SLC25A21: variants seen among roughly 807,000 people sequenced by gnomAD.
The protein encoded by SLC25A21 is mitochondrial 2-oxodicarboxylate carrier.
A neutral mutation model predicts 43.8 loss-of-function variants in SLC25A21; 47 were observed. That is an observed-to-expected ratio of 1.07 (90% CI 0.85 to 1.37). The LOEUF (loss-of-function observed/expected upper bound fraction) is 1.37, where lower values mean the gene tolerates loss of function less well. Among genes scored for constraint, SLC25A21 ranks in the 40% most tolerant of loss-of-function variants. SLC25A21 has a pLI of 0.00. For synonymous variants in SLC25A21, 131 were observed against 121.3 expected (o/e 1.08, Z -0.52); for missense variants, 352 against 350.2 (o/e 1.00, Z -0.04).
chr14:36,720,239 T>A (rs1884321685), intron 6 of SLC25A21, among the ~76,000 whole-genome samples: 1 of 152,252 alleles, frequency 6.6e-6, no homozygotes, highest in African/African-American at 2.4e-5. Context: ...GCTACTGTTG[T>A]CCTCGACTGT....
chr14:37,134,648 TAAA>T (rs11347791), intron 1 of SLC25A21, among the ~76,000 whole-genome samples: 23 of 122,688 alleles, frequency 1.9e-4, no homozygotes, highest in Non-Finnish European at 2.4e-4. Context: ...ACTCCATCTC[TAAA>T]AAAAAAAAAA....
chr14:36,712,379 C>T (rs950369476), intron 6 of SLC25A21, among the ~76,000 whole-genome samples: 1 of 151,290 alleles, frequency 6.6e-6, no homozygotes, highest in Non-Finnish European at 1.5e-5. Context: ...ATGAGGCACA[C>T]ACTGACATGA....
chr14:37,098,737 A>C (rs1962752094), intron 1 of SLC25A21, among the ~76,000 whole-genome samples: 1 of 6,944 alleles, frequency 1.4e-4, no homozygotes, highest in African/African-American at 1.7e-4. Context: ...AGATAGATAG[A>C]TAGATAGATA....
At chr14:36,877,006 A>G (rs778357240) in intron 1 of SLC25A21, among the ~76,000 whole-genome samples, 7 of 151,968 alleles carry the variant, frequency 4.6e-5, no homozygotes, top group African/African-American at 9.7e-5. Flanking sequence ...TATTAGTTAT[A>G]AGATAAAACC....
chr14:37,001,461 G>A (rs1253454778), intron 1 of SLC25A21, among the ~76,000 whole-genome samples: 2 of 152,146 alleles, frequency 1.3e-5, no homozygotes, highest in African/African-American at 4.8e-5. Flanking sequence ...GGCCAACTCT[G>A]GTTCTGAACC....
At chr14:37,040,371 GAGAGAAAGAAAGAAAGAAAGAA>G (rs1338085782) in intron 1 of SLC25A21, among the ~76,000 whole-genome samples, 3 of 40,122 alleles carry the variant, frequency 7.5e-5, no homozygotes. Context: ...GAGAGAGAGA[GAGAGAAAGAAAGAAAGAAAGAA>G]AGAAAGAAAG....
At chr14:36,987,985 G>C (rs1053887650) in intron 1 of SLC25A21, among the ~76,000 whole-genome samples, 3 of 152,092 alleles carry the variant, frequency 2.0e-5, no homozygotes, top group Non-Finnish European at 4.4e-5. Context: ...TTATGGAGTG[G>C]GGGTTGGAGG....
intron 1 of SLC25A21, among the ~76,000 whole-genome samples, chr14:37,171,043 G>A (rs1204131195): frequency 1.4e-5 from 2 of 147,222 alleles, no homozygotes; most frequent in South Asian, 2.2e-4. Flanking sequence ...CCGAGATCGC[G>A]CCATGGCAAT....
intron 2 of SLC25A21, among the ~76,000 whole-genome samples, chr14:36,868,839 G>A (rs1202501490): frequency 6.6e-6 from 1 of 152,192 alleles, no homozygotes; most frequent in African/African-American, 2.4e-5. Flanking sequence ...AGGAGCACTG[G>A]TGAGTGGGAT....
intron 2 of SLC25A21, among the ~76,000 whole-genome samples, chr14:36,861,484 T>G (rs753315723): frequency 1.1e-4 from 16 of 152,210 alleles, no homozygotes; most frequent in Non-Finnish European, 1.9e-4. Flanking sequence ...AGCCTCTTTC[T>G]CAACACTTTC....
At chr14:37,024,676 TG>T (rs1345721941) in intron 1 of SLC25A21, among the ~76,000 whole-genome samples, 1 of 152,010 alleles carries the variant, frequency 6.6e-6, no homozygotes, top group Non-Finnish European at 1.5e-5. Context: ...TTATTTATAG[TG>T]AACATATTTG....
chr14:36,722,420 T>C (rs1489202554), intron 6 of SLC25A21, among the ~76,000 whole-genome samples: 1 of 152,162 alleles, frequency 6.6e-6, no homozygotes, highest in Non-Finnish European at 1.5e-5. Context: ...AGCCCTAATG[T>C]AAACTATGGA....
intron 3 of SLC25A21, among the ~76,000 whole-genome samples, chr14:36,786,635 G>A (rs1887260445): frequency 6.6e-6 from 1 of 152,192 alleles, no homozygotes; most frequent in African/African-American, 2.4e-5. Flanking sequence ...TTTGAGTCCT[G>A]AAATCACTCT....
intron 1 of SLC25A21, among the ~76,000 whole-genome samples, chr14:36,963,999 C>T (rs1049252542): frequency 1.3e-5 from 2 of 152,180 alleles, no homozygotes; most frequent in African/African-American, 4.8e-5. Context: ...TTAGCGCCTT[C>T]ATTTTCCAAG....
intron 1 of SLC25A21, among the ~76,000 whole-genome samples, chr14:37,106,153 A>G (rs1272187709): frequency 6.6e-6 from 1 of 152,062 alleles, no homozygotes; most frequent in Non-Finnish European, 1.5e-5. Context: ...ACAATATGAA[A>G]TCAGTGCACC....
At chr14:36,731,685 C>A (rs1354638146) in intron 4 of SLC25A21, among the ~76,000 whole-genome samples, 2 of 152,118 alleles carry the variant, frequency 1.3e-5, no homozygotes, top group Non-Finnish European at 2.9e-5. Context: ...TCCCTCAAAG[C>A]CTTTTGGGTG....
intron 2 of SLC25A21, among the ~76,000 whole-genome samples, chr14:36,845,730 C>T: frequency 6.6e-6 from 1 of 152,182 alleles, no homozygotes. Flanking sequence ...TCCATCTGTT[C>T]TTTTAAAACA....
chr14:36,917,271 T>C (rs1482668805), intron 1 of SLC25A21, among the ~76,000 whole-genome samples: 1 of 152,184 alleles, frequency 6.6e-6, no homozygotes, highest in East Asian at 1.9e-4. Flanking sequence ...CCCTGGCCTC[T>C]TTCTCCTAAG....
rs143474158 is a variant in SLC25A21 at position 37,134,867 on chromosome 14, A to C, written c.70+37414T>G. On this transcript the variant is annotated intron_variant, in intron 1 of 9. Transcript: ENST00000331299. ...CAGCACTTTGGGAAACCCCAGCAAAAGGATCACTTGAGTCCAGGAGTTCAA... is the reference window on the plus strand; with the variant it reads ...CAGCACTTTGGGAAACCCCAGCAAACGGATCACTTGAGTCCAGGAGTTCAA... Among the ~76,000 whole-genome samples, 945 of 151,722 alleles carry C rather than the reference A, an allele frequency of 6.2e-3. 7 individuals carry two copies. The highest frequency in any genetic ancestry group is 0.02 in the African/African-American group (810 of 41,388).
Sources: gnomAD v4.1 joint callset for allele counts (sites outside exome capture counted in the v4.1 genomes callset) on GRCh38, gnomAD v4.1.1 for gene constraint, MANE v1.5 for transcripts, NCBI Gene and HGNC (gene_info 2026-07-23, HGNC 2026-07-21) for gene names.